TRPC4: variants seen among roughly 807,000 people sequenced by gnomAD.
TRPC4 encodes short transient receptor potential channel 4.
Under a neutral mutation model 99.4 loss-of-function variants are expected in TRPC4, and 49 were observed. The observed-to-expected ratio is 0.49, with a 90% CI of 0.39 to 0.63. The LOEUF is 0.63. Ranked by LOEUF, TRPC4 falls within the 20% of genes least tolerant of loss-of-function variation. The pLI is 0.00. For missense variants in TRPC4, 898 were observed against 1,152.9 expected (o/e 0.78, Z 3.20); for synonymous variants, 454 against 425.9 (o/e 1.07, Z -0.81).
intron 1 of TRPC4, among the ~76,000 whole-genome samples, chr13:37,813,590 GTGTACAAC>G: frequency 6.6e-6 from 1 of 151,882 alleles, no homozygotes; most frequent in Admixed American, 6.6e-5. Flanking sequence ...AACATTAAAA[GTGTACAAC>G]TGTATGCCAA....
chr13:37,687,915 A>T (rs1467108778), intron 4 of TRPC4, among the ~76,000 whole-genome samples: 1 of 152,180 alleles, frequency 6.6e-6, no homozygotes, highest in Non-Finnish European at 1.5e-5. Flanking sequence ...TGAGAAGGAT[A>T]TTGGTGTCCA....
chr13:37,853,450 T>C (rs1959107345), intron 1 of TRPC4, among the ~76,000 whole-genome samples: 1 of 152,132 alleles, frequency 6.6e-6, no homozygotes, highest in Non-Finnish European at 1.5e-5. Context: ...TCAAGAAGGA[T>C]AGGCAAAAAC....
chr13:37,838,508 C>T (rs996191312), intron 1 of TRPC4, among the ~76,000 whole-genome samples: 4 of 152,106 alleles, frequency 2.6e-5, no homozygotes, highest in Admixed American at 6.6e-5. Flanking sequence ...ATCTTGTTCA[C>T]ACAGTCCATA....
intron 1 of TRPC4, among the ~76,000 whole-genome samples, chr13:37,857,880 G>T (rs918476638): frequency 6.6e-6 from 1 of 151,286 alleles, no homozygotes; most frequent in Non-Finnish European, 1.5e-5. Context: ...GTAATACCCC[G>T]CAAGCATAGA....
intron 4 of TRPC4, among the ~76,000 whole-genome samples, chr13:37,681,342 A>C (rs1404812745): frequency 6.6e-6 from 1 of 152,180 alleles, no homozygotes; most frequent in African/African-American, 2.4e-5. Context: ...ATGTGTGGGA[A>C]AAACAGAGAT....
intron 1 of TRPC4, among the ~76,000 whole-genome samples, chr13:37,848,600 G>A (rs1207319057): frequency 1.3e-5 from 2 of 152,054 alleles, no homozygotes; most frequent in Non-Finnish European, 2.9e-5. Flanking sequence ...AGCAAAGTAG[G>A]TCTCTCCAAT....
At chr13:37,668,766 G>A (rs1198785682) in intron 5 of TRPC4, among the ~76,000 whole-genome samples, 2 of 152,056 alleles carry the variant, frequency 1.3e-5, no homozygotes, top group South Asian at 2.1e-4. Context: ...AAAAATATTG[G>A]TCAGTGAGAT....
intron 8 of TRPC4, among the ~76,000 whole-genome samples, chr13:37,650,984 T>C (rs1254214663): frequency 6.6e-6 from 1 of 152,142 alleles, no homozygotes; most frequent in Non-Finnish European, 1.5e-5. Context: ...CAGAGTATGC[T>C]AGTTCCCCAG....
chr13:37,794,142 A>G (rs1418966802), intron 1 of TRPC4, among the ~76,000 whole-genome samples: 2 of 152,100 alleles, frequency 1.3e-5, no homozygotes, highest in Non-Finnish European at 2.9e-5. Flanking sequence ...CAATGAAAAA[A>G]CTTACACTAA....
chr13:37,705,606 GAA>G (rs1294919057), intron 3 of TRPC4, among the ~76,000 whole-genome samples: 2 of 152,006 alleles, frequency 1.3e-5, no homozygotes, highest in Non-Finnish European at 2.9e-5. Flanking sequence ...TTTACAAAAA[GAA>G]AATCGTATGC....
rs541254158 is a variant in TRPC4 at position 37,664,257 on chromosome 13, G to A, written c.1375-528C>T. On this transcript the variant is annotated intron_variant, in intron 5 of 10. Coordinates refer to ENST00000379705, the MANE Select transcript of TRPC4 (RefSeq NM_016179.4). ...AAATAAAATTTAACTGTGTACTATC[G>A]AGGTAAATTTGTATCCCTTTTAAAA... Among the ~76,000 whole-genome samples, 8 of 152,172 alleles carry A rather than the reference G, an allele frequency of 5.3e-5. No homozygotes were observed. The South Asian group carries it at 1.5e-3, about 28-fold the overall frequency.
chr13:37,770,601 T>C (rs1477658212), intron 2 of TRPC4, among the ~76,000 whole-genome samples: 2 of 151,620 alleles, frequency 1.3e-5, no homozygotes, highest in Middle Eastern at 3.4e-3. Flanking sequence ...AGGCTGGTAA[T>C]TTAAGTTGAG....
At chr13:37,698,797 C>T (rs1321908383) in intron 3 of TRPC4, among the ~76,000 whole-genome samples, 8 of 152,054 alleles carry the variant, frequency 5.3e-5, no homozygotes, top group African/African-American at 1.7e-4. Flanking sequence ...CCATTAAGCA[C>T]GATGCCAATA....
At chr13:37,790,139 T>C (rs532506927) in intron 1 of TRPC4, among the ~76,000 whole-genome samples, 1 of 152,126 alleles carries the variant, frequency 6.6e-6, no homozygotes, top group East Asian at 1.9e-4. Context: ...ATATAAAAGT[T>C]AATAGAAATA....
At chr13:37,723,154 T>C (rs1954932212) in intron 3 of TRPC4, among the ~76,000 whole-genome samples, 2 of 152,174 alleles carry the variant, frequency 1.3e-5, no homozygotes, top group Admixed American at 6.6e-5. Context: ...TTTATAATCT[T>C]GTCCTTAGGG....
chr13:37,801,303 TA>T (rs1957394127), intron 1 of TRPC4, among the ~76,000 whole-genome samples: 1 of 152,124 alleles, frequency 6.6e-6, no homozygotes, highest in African/African-American at 2.4e-5. Flanking sequence ...AAAGACAGTG[TA>T]ACATTACTCA....
chr13:37,780,034 C>A (rs1323196426), intron 2 of TRPC4, among the ~76,000 whole-genome samples: 1 of 151,914 alleles, frequency 6.6e-6, no homozygotes, highest in African/African-American at 2.4e-5. Context: ...ACAATCGGAC[C>A]TTAGGACTCT....
At chr13:37,822,284 T>C (rs941858105) in intron 1 of TRPC4, among the ~76,000 whole-genome samples, 1 of 151,832 alleles carries the variant, frequency 6.6e-6, no homozygotes, top group African/African-American at 2.4e-5. Flanking sequence ...GTTTTTTTTT[T>C]ATTATTATAC....
At chr13:37,862,251 G>GCA (rs1404060934) in intron 1 of TRPC4, among the ~76,000 whole-genome samples, 284 of 151,596 alleles carry the variant, frequency 1.9e-3, no homozygotes, top group African/African-American at 6.7e-3. Flanking sequence ...TCTTAGGTTT[G>GCA]CTTCATTGGT....
Sources: allele counts gnomAD v4.1 joint callset (sites outside exome capture counted in the v4.1 genomes callset), GRCh38; gene constraint gnomAD v4.1.1; transcripts MANE v1.5; gene names NCBI Gene and HGNC (gene_info 2026-07-23, HGNC 2026-07-21).